Variants in RPRD1A observed in about 807,000 individuals in gnomAD.
RPRD1A encodes regulation of nuclear pre-mRNA domain-containing protein 1A.
A neutral mutation model predicts 37.8 loss-of-function variants in RPRD1A; 9 were observed. The observed-to-expected ratio is 0.24, with a 90% CI of 0.14 to 0.42. The LOEUF is 0.42. Among genes scored for constraint, RPRD1A ranks in the 10% least tolerant of loss-of-function variants. RPRD1A has a pLI of 1.00. For missense variants in RPRD1A, 255 were observed against 371.0 expected (o/e 0.69, Z 2.57); for synonymous variants, 138 against 139.7 (o/e 0.99, Z 0.08).
At chr18:36,054,919 A>T (rs1233528480) in intron 1 of RPRD1A, among the ~76,000 whole-genome samples, 2 of 152,112 alleles carry the variant, frequency 1.3e-5, no homozygotes, top group Non-Finnish European at 2.9e-5. Flanking sequence ...TTATTCACTG[A>T]AGAATCAACC....
At chr18:36,011,193 G>C (rs1910156660) in intron 6 of RPRD1A, among the ~76,000 whole-genome samples, 1 of 152,128 alleles carries the variant, frequency 6.6e-6, no homozygotes, top group African/African-American at 2.4e-5. Flanking sequence ...ACCACATAAA[G>C]TCGGTACAAT....
At chr18:36,057,051 CAAAAAAAAAAAAAA>C (rs35428437) in intron 1 of RPRD1A, among the ~76,000 whole-genome samples, 22 of 44,734 alleles carry the variant, frequency 4.9e-4, no homozygotes, top group Non-Finnish European at 5.6e-4. Flanking sequence ...CCTGTTTCTA[CAAAAAAAAAAAAAA>C]AAAAAAAAAA....
intron 1 of RPRD1A, among the ~76,000 whole-genome samples, chr18:36,037,247 C>T (rs960196672): frequency 1.3e-5 from 2 of 151,838 alleles, no homozygotes; most frequent in African/African-American, 4.8e-5. Flanking sequence ...CCCATAATCC[C>T]ATGTCATAGG....
At chr18:36,006,924 C>T (rs1473164237) in intron 6 of RPRD1A, among the ~76,000 whole-genome samples, 2 of 152,126 alleles carry the variant, frequency 1.3e-5, no homozygotes, top group Non-Finnish European at 2.9e-5. Flanking sequence ...AGTCATCTGG[C>T]CTATATGACA....
intron 4 of RPRD1A, 193 bp from the exon 5 acceptor site, chr18:36,027,503 T>C: frequency 1.8e-6 from 1 of 561,502 alleles, no homozygotes; most frequent in South Asian, 2.4e-5. Context: ...GTGTTGAAAA[T>C]ATAAACAGGA....
intron 6 of RPRD1A, among the ~76,000 whole-genome samples, chr18:36,008,503 G>C (rs1489929930): frequency 7.0e-6 from 1 of 143,460 alleles, no homozygotes; most frequent in Non-Finnish European, 1.5e-5. Context: ...TTGAACTTAG[G>C]ATGTCAAGGC....
intron 6 of RPRD1A, among the ~76,000 whole-genome samples, chr18:36,015,131 T>TACACACACACACACACACAC (rs201284977): frequency 3.3e-5 from 4 of 122,966 alleles, no homozygotes; most frequent in African/African-American, 1.2e-4. Flanking sequence ...GGGTCTCACA[T>TACACACACACACACACACAC]ACACACACAC....
intron 6 of RPRD1A, among the ~76,000 whole-genome samples, chr18:36,005,747 A>C (rs9304155): frequency 0.26 from 39,613 of 152,116 alleles, 5,432 homozygotes; most frequent in African/African-American, 0.35. Context: ...ACTCCCAATT[A>C]CCAGTTCATG....
At chr18:36,064,248 G>A (rs1038640939) in intron 1 of RPRD1A, 4 of 151,992 alleles carry the variant, frequency 2.6e-5, no homozygotes, top group Non-Finnish European at 4.4e-5. Context: ...GAGGTGTAGA[G>A]AGAGAGGCGC....
intron 1 of RPRD1A, among the ~76,000 whole-genome samples, chr18:36,041,786 A>AG (rs1912598239): frequency 6.6e-6 from 1 of 152,254 alleles, no homozygotes; most frequent in African/African-American, 2.4e-5. Flanking sequence ...CACAGAAAGC[A>AG]TATCAAGAGA....
intron 6 of RPRD1A, among the ~76,000 whole-genome samples, chr18:35,997,382 A>G (rs1909137361): frequency 6.6e-6 from 1 of 152,222 alleles, no homozygotes; most frequent in Admixed American, 6.5e-5. Flanking sequence ...AAAACTGATG[A>G]ATGAAATGTC....
chr18:36,064,469 C>T (rs1218865673), intron 1 of RPRD1A: 1 of 152,310 alleles, frequency 6.6e-6, no homozygotes, highest in African/African-American at 2.4e-5. Context: ...ACGCACCAAT[C>T]ACCACTCTGT....
intron 1 of RPRD1A, among the ~76,000 whole-genome samples, chr18:36,050,596 T>C (rs921997254): frequency 3.9e-5 from 6 of 152,036 alleles, no homozygotes; most frequent in African/African-American, 9.7e-5. Context: ...TAGACATTTA[T>C]CCAAAAAAGA....
At chr18:36,024,963 G>A (rs1911258908) in intron 6 of RPRD1A, 1 of 152,080 alleles carries the variant, frequency 6.6e-6, no homozygotes, top group South Asian at 2.1e-4. Flanking sequence ...GAACATAATT[G>A]AGGTGATTTC....
intron 1 of RPRD1A, among the ~76,000 whole-genome samples, chr18:36,060,301 C>T (rs1365816786): frequency 5.3e-5 from 8 of 151,894 alleles, no homozygotes; most frequent in African/African-American, 9.7e-5. Flanking sequence ...GGCATGGTGG[C>T]GGGCGCCTAT....
At chr18:36,015,993 A>G (rs1018894887) in intron 6 of RPRD1A, among the ~76,000 whole-genome samples, 6 of 152,242 alleles carry the variant, frequency 3.9e-5, no homozygotes, top group Non-Finnish European at 8.8e-5. Flanking sequence ...ACAGTAAAAT[A>G]AAACTATACC....
intron 1 of RPRD1A, among the ~76,000 whole-genome samples, chr18:36,051,856 TAAC>T (rs1312360446): frequency 6.6e-6 from 1 of 152,070 alleles, no homozygotes; most frequent in Non-Finnish European, 1.5e-5. Flanking sequence ...ATCTGCCAGT[TAAC>T]AAATGCATTA....
chr18:36,014,846 T>TGA (rs1910404171), intron 6 of RPRD1A, among the ~76,000 whole-genome samples: 1 of 152,136 alleles, frequency 6.6e-6, no homozygotes, highest in Non-Finnish European at 1.5e-5. Flanking sequence ...AAAAAGGTGT[T>TGA]CAATATCATT....
intron 1 of RPRD1A, among the ~76,000 whole-genome samples, chr18:36,060,467 TC>T (rs2088887006): frequency 1.3e-5 from 2 of 152,084 alleles, no homozygotes; most frequent in Non-Finnish European, 2.9e-5. Context: ...TTCTTTCACT[TC>T]TCCATTTTTC....
Sources: gnomAD v4.1 joint callset for allele counts (sites outside exome capture counted in the v4.1 genomes callset) on GRCh38, gnomAD v4.1.1 for gene constraint, MANE v1.5 for transcripts, NCBI Gene and HGNC (gene_info 2026-07-23, HGNC 2026-07-21) for gene names.